CADPS2: variants seen among roughly 807,000 people sequenced by gnomAD.
The protein encoded by CADPS2 is calcium-dependent secretion activator 2.
A neutral mutation model predicts 172.5 loss-of-function variants in CADPS2; 93 were observed. The ratio of observed to expected loss-of-function variants is 0.54; its 90% CI spans 0.46 to 0.64. The LOEUF (loss-of-function observed/expected upper bound fraction) is 0.64. CADPS2 is among the 30% of genes least tolerant of loss of function. The pLI is 0.00. For missense variants in CADPS2, 1,420 were observed against 1,565.9 expected (o/e 0.91, Z 1.57); for synonymous variants, 546 against 555.2 (o/e 0.98, Z 0.23).
intron 25 of CADPS2, among the ~76,000 whole-genome samples, chr7:122,369,471 G>A (rs757919419): frequency 6.6e-6 from 1 of 151,998 alleles, no homozygotes; most frequent in Non-Finnish European, 1.5e-5. Context: ...TTTTCCATAG[G>A]TGTTCCAGTT....
At chr7:122,553,271 A>C (rs1405143635) in intron 8 of CADPS2, among the ~76,000 whole-genome samples, 2 of 152,158 alleles carry the variant, frequency 1.3e-5, no homozygotes, top group Non-Finnish European at 2.9e-5. Flanking sequence ...AGTTTGTCCT[A>C]GTTGGAAGAC....
Position 122,451,495 on chromosome 7 carries a change from C to T in CADPS2, c.2187-20G>A. ...TCAGGCCTGAAAAAAAAATCAGAAT[C>T]AATAATTCATATTGATCGAACATTT... On this transcript the variant is annotated intron_variant, in intron 14 of 29. Coordinates refer to ENST00000449022, the MANE Select transcript of CADPS2 (RefSeq NM_017954.11). The T allele has an allele frequency of 7.3e-7, 1 of 1,370,644 alleles. No individual in the cohort carries two copies. Among genetic ancestry groups the T allele is most frequent in the Non-Finnish European group, 1.0e-6 (1 of 990,474 alleles). 84.9% of individuals were successfully genotyped at this position (1,370,644 alleles called of 1,614,324 possible). A position where few individuals can be genotyped will look rare whatever the true frequency, so the allele number is the denominator to read the frequency against.
intron 2 of CADPS2, among the ~76,000 whole-genome samples, chr7:122,664,365 T>C (rs2080954985): frequency 6.6e-6 from 1 of 152,150 alleles, no homozygotes; most frequent in African/African-American, 2.4e-5. Flanking sequence ...GAATGGAGGC[T>C]TGGAAAGCAA....
chr7:122,430,220 C>T (rs1343841871), intron 17 of CADPS2, among the ~76,000 whole-genome samples: 3 of 152,170 alleles, frequency 2.0e-5, no homozygotes, highest in Non-Finnish European at 4.4e-5. Flanking sequence ...ACCTTTTGTT[C>T]AGGGCACCTC....
At chr7:122,346,263 G>A (rs948570866) in intron 27 of CADPS2, among the ~76,000 whole-genome samples, 3 of 152,134 alleles carry the variant, frequency 2.0e-5, no homozygotes, top group African/African-American at 7.2e-5. Context: ...AGCTAGCCAG[G>A]AGGGTGAGGC....
chr7:122,589,238 G>A (rs1340691911), intron 6 of CADPS2, among the ~76,000 whole-genome samples: 4 of 151,958 alleles, frequency 2.6e-5, no homozygotes, highest in Admixed American at 6.6e-5. Flanking sequence ...CTAATAAACA[G>A]TATTATCTCC....
intron 17 of CADPS2, among the ~76,000 whole-genome samples, chr7:122,431,541 G>C (rs73431539): frequency 0.06 from 9,069 of 152,156 alleles, 667 homozygotes; most frequent in African/African-American, 0.17. Flanking sequence ...AATTTAACTA[G>C]ACAAGCTCGT....
At position 122,319,983 on chromosome 7, in the gene CADPS2, C is replaced by CA. The variant is rs1197018478; in HGVS notation, c.*181dup. ...CAAACAAACAAACAAAAAAAGGAAA[C>CA]AAAAAAACCCCAAAATCTTGGCATT... On this transcript the variant is annotated 3_prime_UTR_variant, in exon 30 of 30. Transcript: ENST00000449022. 1 of 546,312 alleles carries CA rather than the reference C, an allele frequency of 1.8e-6. No individual in the cohort carries two copies. Among genetic ancestry groups the CA allele is most frequent in the Non-Finnish European group, 2.8e-6 (1 of 355,528 alleles). The allele number at this position is 546,312 out of a possible 1,614,324, so 33.8% of individuals were successfully genotyped here. A position where few individuals can be genotyped will look rare whatever the true frequency, so the allele number is the denominator to read the frequency against.
At chr7:122,430,570 A>T (rs1049821720) in intron 17 of CADPS2, among the ~76,000 whole-genome samples, 1 of 152,198 alleles carries the variant, frequency 6.6e-6, no homozygotes, top group Non-Finnish European at 1.5e-5. Context: ...TTATTTAGCT[A>T]GTAGGTTAGT....
At chr7:122,823,899 G>GT (rs1357844736) in intron 1 of CADPS2, among the ~76,000 whole-genome samples, 6 of 151,934 alleles carry the variant, frequency 3.9e-5, no homozygotes, top group African/African-American at 9.7e-5. Context: ...GGTGTTCCTT[G>GT]TTTTTTTAAA....
At chr7:122,440,048 A>G (rs1247007650) in intron 16 of CADPS2, 1 of 152,198 alleles carries the variant, frequency 6.6e-6, no homozygotes, top group Non-Finnish European at 1.5e-5. Context: ...CTTCCGAGGT[A>G]TCATAGGTTT....
chr7:122,600,540 T>C (rs2072599573), intron 6 of CADPS2, among the ~76,000 whole-genome samples: 1 of 152,124 alleles, frequency 6.6e-6, no homozygotes. Context: ...CTTCTAGAAA[T>C]ACTGTTACTT....
At chr7:122,493,036 CAG>C (rs1164992784) in intron 9 of CADPS2, among the ~76,000 whole-genome samples, 2 of 151,996 alleles carry the variant, frequency 1.3e-5, no homozygotes, top group Non-Finnish European at 2.9e-5. Flanking sequence ...TTATGAAAGA[CAG>C]AGAAAATATG....
chr7:122,647,293 C>T (rs1454850892), intron 3 of CADPS2, among the ~76,000 whole-genome samples: 1 of 151,972 alleles, frequency 6.6e-6, no homozygotes, highest in Non-Finnish European at 1.5e-5. Flanking sequence ...GGTAGTGAAC[C>T]TATCTATATT....
chr7:122,397,834 C>A (rs538025880), intron 20 of CADPS2, among the ~76,000 whole-genome samples: 27 of 152,276 alleles, frequency 1.8e-4, no homozygotes, highest in Non-Finnish European at 3.5e-4. Flanking sequence ...CATCCAAGAA[C>A]ACTTCTGACA....
chr7:122,663,234 T>C lies in CADPS2; in HGVS notation c.786+3A>G. On this transcript the variant is annotated splice_donor_region_variant and intron_variant, in intron 3 of 29. Transcript: ENST00000449022. ...GGAAGGGAAAATATCAGAGACCACTTACCTGACATGCATTATAAAGGAGCT... is the reference window on the plus strand; with the variant it reads ...GGAAGGGAAAATATCAGAGACCACTCACCTGACATGCATTATAAAGGAGCT... 6.3e-7 allele frequency: 1 copy of C among 1,599,638 alleles called. No individual in the cohort carries two copies. Among genetic ancestry groups the C allele is most frequent in the Non-Finnish European group, 8.6e-7 (1 of 1,168,696 alleles).
chr7:122,549,364 C>A (rs1271893188), intron 8 of CADPS2, among the ~76,000 whole-genome samples: 1 of 152,018 alleles, frequency 6.6e-6, no homozygotes, highest in East Asian at 1.9e-4. Flanking sequence ...GATTGATAAA[C>A]CTAAACAGCT....
chr7:122,516,099 G>A (rs2130903185), intron 8 of CADPS2, among the ~76,000 whole-genome samples: 1 of 152,190 alleles, frequency 6.6e-6, no homozygotes, highest in African/African-American at 2.4e-5. Flanking sequence ...GATGTTATAA[G>A]GAACAGAATA....
intron 7 of CADPS2, among the ~76,000 whole-genome samples, chr7:122,580,921 G>A (rs1438754543): frequency 6.6e-6 from 1 of 152,174 alleles, no homozygotes; most frequent in Non-Finnish European, 1.5e-5. Flanking sequence ...TGGAGCACAT[G>A]TGTGAGAATG....
Sources: allele counts gnomAD v4.1 joint callset (sites outside exome capture counted in the v4.1 genomes callset), GRCh38; gene constraint gnomAD v4.1.1; transcripts MANE v1.5; gene names NCBI Gene and HGNC (gene_info 2026-07-23, HGNC 2026-07-21).